Variants in SGPP2 observed in about 807,000 individuals in gnomAD.
SGPP2 encodes sphingosine 1-phosphate phosphohydrolase 2.
A neutral mutation model predicts 33.9 loss-of-function variants in SGPP2; 30 were observed. The ratio of observed to expected loss-of-function variants is 0.89; its 90% CI spans 0.66 to 1.20. The LOEUF is 1.20. SGPP2 is among the 50% of genes most tolerant of loss of function. The pLI is 0.00. For synonymous variants in SGPP2, 233 were observed against 225.0 expected (o/e 1.04, Z -0.32); for missense variants, 458 against 532.1 (o/e 0.86, Z 1.37).
chr2:222,482,101 G>A (rs896498803), intron 2 of SGPP2, among the ~76,000 whole-genome samples: 1 of 152,180 alleles, frequency 6.6e-6, no homozygotes, highest in Non-Finnish European at 1.5e-5. Flanking sequence ...TACTTCACCA[G>A]CAGCTTTGAG....
At position 222,500,276 on chromosome 2, in the gene SGPP2, C is replaced by T. The variant is rs995280868; in HGVS notation, c.379-21491C>T. Among the ~76,000 whole-genome samples the T allele has an allele frequency of 3.9e-5, 6 of 152,082 alleles. No homozygotes were observed. The East Asian group carries it at 7.7e-4, about 20-fold the overall frequency. ...GAGGGGTGAGTGGGGGCTGGAAGCA[C>T]GGAGGGAAGCAGTTCAGTCATGACG... On this transcript the variant is annotated intron_variant, in intron 2 of 4. Transcript: ENST00000321276.
At chr2:222,451,992 T>C (rs895515552) in intron 1 of SGPP2, among the ~76,000 whole-genome samples, 4 of 152,000 alleles carry the variant, frequency 2.6e-5, no homozygotes, top group African/African-American at 4.8e-5. Flanking sequence ...TTGAGCAACA[T>C]GGATTTGAAC....
chr2:222,497,375 C>T (rs901375714), intron 2 of SGPP2, among the ~76,000 whole-genome samples: 3 of 151,350 alleles, frequency 2.0e-5, no homozygotes, highest in Non-Finnish European at 4.4e-5. Context: ...GCCTCTGCCT[C>T]CCCGGGTCTC....
intron 2 of SGPP2, among the ~76,000 whole-genome samples, chr2:222,497,916 C>A (rs1698306211): frequency 6.6e-6 from 1 of 152,166 alleles, no homozygotes; most frequent in Non-Finnish European, 1.5e-5. Flanking sequence ...AGGAGCCAGC[C>A]TCATGAGGCC....
At chr2:222,472,567 C>G (rs1215416099) in intron 1 of SGPP2, among the ~76,000 whole-genome samples, 3 of 152,154 alleles carry the variant, frequency 2.0e-5, no homozygotes, top group African/African-American at 4.8e-5. Context: ...CACGCCTGGT[C>G]AGTAAGTGAA....
chr2:222,505,449 A>C (rs1698430603), intron 2 of SGPP2, among the ~76,000 whole-genome samples: 1 of 152,244 alleles, frequency 6.6e-6, no homozygotes, highest in African/African-American at 2.4e-5. Flanking sequence ...TGAATTTTTA[A>C]AAATAAATAT....
In SGPP2 at chr2:222,560,711, AACGTGTT is replaced by A; in HGVS notation, c.*1815_*1821del. 1 of 152,376 alleles carries A rather than the reference AACGTGTT, an allele frequency of 6.6e-6. No homozygotes were observed. The highest frequency in any genetic ancestry group is 1.5e-5 in the Non-Finnish European group (1 of 68,038). 9.4% of individuals were successfully genotyped at this position (152,376 alleles called of 1,614,324 possible). ...TTCCTTAAAAGTTACAGAGGCTCTT[AACGTGTT>A]AAAACCGAAAAATCACATTTTTCTT... On this transcript the variant is annotated 3_prime_UTR_variant, in exon 5 of 5. Transcript: ENST00000321276.
At position 222,477,553 on chromosome 2, in the gene SGPP2, G is replaced by C. The variant is rs1697965080; in HGVS notation, c.378+2827G>C. Among the ~76,000 whole-genome samples, 2 of 151,858 alleles carry C rather than the reference G, an allele frequency of 1.3e-5. No homozygotes were observed. Among genetic ancestry groups the C allele is most frequent in the Non-Finnish European group, 2.9e-5 (2 of 67,928 alleles). On this transcript the variant is annotated intron_variant, in intron 2 of 4. Transcript: ENST00000321276. This position sits in a 1 kb window ranked among gnomAD's most constrained non-coding sequence, Gnocchi z 6.0. ...TATGTGTATTTGTGTTTATAGGTGT[G>C]TATATATGTGTGAGTGTATGTATAT...
Position 222,474,655 on chromosome 2 carries a change from A to AT in SGPP2, c.308dup (p.Thr104HisfsTer11). ...TGCTTTGGGCCAAGAAGTGTTCTAC[A>AT]TCACGTTTCTTCCATTCACTCACTG... On this transcript the variant is annotated frameshift_variant, in exon 2 of 5. Coordinates refer to ENST00000321276, the MANE Select transcript of SGPP2 (RefSeq NM_152386.4). LOFTEE classifies it high-confidence loss of function. The AT allele has an allele frequency of 6.2e-7, 1 of 1,613,986 alleles. No individual in the cohort carries two copies. The highest frequency in any genetic ancestry group is 8.5e-7 in the Non-Finnish European group (1 of 1,179,896).
intron 1 of SGPP2, 82 bp downstream of exon 1, chr2:222,424,903 C>T (rs1559139959): frequency 1.8e-6 from 2 of 1,141,164 alleles, no homozygotes; most frequent in Non-Finnish European, 2.2e-6. Flanking sequence ...CCACGCGGGG[C>T]CGGCCGGGCC....
Position 222,524,991 on chromosome 2 carries a change from G to A in SGPP2, c.606G>A (p.Leu202=). ...TGATGGCCGTGGTGTTTTCCACCTT[G>A]GTGTGTCTCAGCAGGCTCTACACTG... The part of the protein sequence containing the change: ...GLVMAVVFST[L]VCLSRLYTGM... The change falls in exon 4 of 5, where the codon TTG becomes TTA. Residue 202 remains leucine (L), a synonymous_variant. Transcript: ENST00000321276. The A allele has an allele frequency of 1.9e-6, 3 of 1,613,926 alleles. No individual in the cohort carries two copies. Among genetic ancestry groups the A allele is most frequent in the Non-Finnish European group, 1.7e-6 (2 of 1,179,928 alleles).
chr2:222,487,302 A>C (rs1030460449), intron 2 of SGPP2, among the ~76,000 whole-genome samples: 1 of 152,224 alleles, frequency 6.6e-6, no homozygotes, highest in Non-Finnish European at 1.5e-5. Context: ...CAAAGGGAGG[A>C]CATAGCCAGG....
At chr2:222,468,988 A>G (rs1697797138) in intron 1 of SGPP2, among the ~76,000 whole-genome samples, 1 of 152,180 alleles carries the variant, frequency 6.6e-6, no homozygotes, top group African/African-American at 2.4e-5. Flanking sequence ...AAGGAGCCCT[A>G]GGAAAACCTT....
intron 1 of SGPP2, among the ~76,000 whole-genome samples, chr2:222,461,328 G>T (rs1277702322): frequency 6.6e-6 from 1 of 151,998 alleles, no homozygotes; most frequent in South Asian, 2.1e-4. Context: ...AGCATGTCCG[G>T]CATTGGTCCC....
chr2:222,472,728 T>C (rs900866963), intron 1 of SGPP2, among the ~76,000 whole-genome samples: 3 of 152,166 alleles, frequency 2.0e-5, no homozygotes, highest in Non-Finnish European at 4.4e-5. Flanking sequence ...CAGACCAGTT[T>C]TAGGGAGGGA....
At chr2:222,482,998 G>A (rs939290874) in intron 2 of SGPP2, among the ~76,000 whole-genome samples, 1 of 151,784 alleles carries the variant, frequency 6.6e-6, no homozygotes, top group Admixed American at 6.5e-5. Flanking sequence ...TTCATTATAT[G>A]TTTGTTATGT....
chr2:222,424,247 C>G (rs1291319120), upstream of SGPP2, among the ~76,000 whole-genome samples: 2 of 127,084 alleles, frequency 1.6e-5, no homozygotes, highest in East Asian at 2.6e-4. Context: ...ATTAGTGTTA[C>G]GTCTGCCGGG....
intron 2 of SGPP2, among the ~76,000 whole-genome samples, chr2:222,513,899 C>T (rs1698566177): frequency 6.6e-6 from 1 of 152,164 alleles, no homozygotes; most frequent in South Asian, 2.1e-4. Flanking sequence ...CCTACATATC[C>T]ACTAGTCAAT....
At position 222,477,580 on chromosome 2, in the gene SGPP2, G is replaced by GGT. The variant is rs1351510028; in HGVS notation, c.378+2861_378+2862dup. On this transcript the variant is annotated intron_variant, in intron 2 of 4. Coordinates refer to ENST00000321276, the MANE Select transcript of SGPP2 (RefSeq NM_152386.4). The surrounding 1 kb of genome is among the most constrained non-coding windows in gnomAD (Gnocchi z 6.0). ...ATATATGTGTGAGTGTATGTATATA[G>GGT]GTGTGTGTATATATATGTGTGTGTG... Among the ~76,000 whole-genome samples the GGT allele has an allele frequency of 6.6e-6, 1 of 151,706 alleles. No homozygotes were observed. Among genetic ancestry groups the GGT allele is most frequent in the Non-Finnish European group, 1.5e-5 (1 of 67,872 alleles).
Sources: allele counts gnomAD v4.1 joint callset (sites outside exome capture counted in the v4.1 genomes callset), GRCh38; gene constraint gnomAD v4.1.1; non-coding constraint Gnocchi (gnomAD v3.1); transcripts MANE v1.5; gene names NCBI Gene and HGNC (gene_info 2026-07-23, HGNC 2026-07-21).